L3MBTL2: variants seen among roughly 807,000 people sequenced by gnomAD.
The protein encoded by L3MBTL2 is L3MBTL histone methyl-lysine binding protein 2, also known as lethal(3)malignant brain tumor-like protein 2.
In L3MBTL2, 49 loss-of-function variants were observed where a neutral mutation model predicts 86.4. The observed-to-expected ratio is 0.57, with a 90% CI of 0.45 to 0.72. The LOEUF is 0.72. Among genes scored for constraint, L3MBTL2 ranks in the 30% least tolerant of loss-of-function variants. L3MBTL2 has a pLI of 0.00. For synonymous variants in L3MBTL2, 336 were observed against 350.6 expected (o/e 0.96, Z 0.47); for missense variants, 755 against 923.7 (o/e 0.82, Z 2.37).
chr22:41,220,789 C>T lies in L3MBTL2; in HGVS notation c.774C>T (p.Phe258=). The part of the protein sequence containing the change: ...EGFENDASHD[F]WCNLGTVDVH... ...TTGAAAATGACGCCAGCCATGACTT[C>T]TGGTGCAACCTGGGAACAGTGGATG... The change falls in exon 7 of 17, where the codon TTC becomes TTT. Residue 258 remains phenylalanine (F), a synonymous_variant. Transcript: ENST00000216237. 1 of 1,614,050 alleles carries T rather than the reference C, an allele frequency of 6.2e-7. No individual in the cohort carries two copies. The highest frequency in any genetic ancestry group is 8.5e-7 in the Non-Finnish European group (1 of 1,179,998).
Position 41,231,059 on chromosome 22 carries a change from C to T in L3MBTL2, c.*808C>T, listed in dbSNP as rs1456573411. ...CAAGATTCCTTTGTAGTTAAAGGGT[C>T]CAGTTCTGACTGGAGCCTCTAGAGA... On this transcript the variant is annotated 3_prime_UTR_variant, in exon 17 of 17. Coordinates refer to ENST00000216237, the MANE Select transcript of L3MBTL2 (RefSeq NM_031488.5). 1 of 152,182 alleles carries T rather than the reference C, an allele frequency of 6.6e-6. No homozygotes were observed. The highest frequency in any genetic ancestry group is 1.5e-5 in the Non-Finnish European group (1 of 68,058). The allele number at this position is 152,182 out of a possible 1,614,324, so 9.4% of individuals were successfully genotyped here.
intron 3 of L3MBTL2, among the ~76,000 whole-genome samples, chr22:41,214,999 T>C (rs1048441345): frequency 1.8e-5 from 1 of 54,624 alleles, no homozygotes; most frequent in African/African-American, 1.1e-4. Context: ...GGGAAAATAT[T>C]ATGTAAAATA....
chr22:41,220,756 T>C lies in L3MBTL2; in HGVS notation c.741T>C (p.Tyr247=), dbSNP rs1244465334. 6.2e-7 allele frequency: 1 copy of C among 1,613,714 alleles called. No individual in the cohort carries two copies. Reference sequence around the variant, plus strand: ...CAGGGTATCGGGTGCTGCTTCGGTATGAAGGCTTTGAAAATGACGCCAGCC... The same window carrying C: ...CAGGGTATCGGGTGCTGCTTCGGTACGAAGGCTTTGAAAATGACGCCAGCC... ...QTAGYRVLLR[Y]EGFENDASHD... Residue 247 remains tyrosine (Y), a synonymous_variant, in exon 7 of 17, where the codon TAT becomes TAC. Coordinates refer to ENST00000216237, the MANE Select transcript of L3MBTL2 (RefSeq NM_031488.5).
chr22:41,213,774 C>T, intron 2 of L3MBTL2, 119 bp from the exon 3 acceptor site: 1 of 1,088,760 alleles, frequency 9.2e-7, no homozygotes, highest in Non-Finnish European at 1.4e-6. Context: ...TTCCATTAGC[C>T]TTTGTGGGGG....
At chr22:41,229,079 G>A (rs909987198) in intron 15 of L3MBTL2, among the ~76,000 whole-genome samples, 4 of 152,066 alleles carry the variant, frequency 2.6e-5, no homozygotes, top group South Asian at 2.1e-4. Context: ...GCAACATAGC[G>A]AGACCCCTAA....
chr22:41,211,860 T>C (rs1185001892), intron 2 of L3MBTL2, among the ~76,000 whole-genome samples: 1 of 97,070 alleles, frequency 1.0e-5, no homozygotes, highest in Non-Finnish European at 2.0e-5. Flanking sequence ...CCCGGCCTTT[T>C]TTTTTTTTTT....
At position 41,227,252 on chromosome 22, in the gene L3MBTL2, A is replaced by T; in HGVS notation, c.1751A>T (p.Glu584Val). Residue 584 changes from glutamate (E) to valine (V), a missense_variant, in exon 14 of 17, where the codon GAG (glutamate) becomes GTG (valine). This residue lies in a region of L3MBTL2 where 634 missense variants were observed against 748.9 expected (regional missense o/e 0.85). Coordinates refer to ENST00000216237, the MANE Select transcript of L3MBTL2 (RefSeq NM_031488.5). The surrounding 1 kb of genome is among the most constrained non-coding windows in gnomAD (Gnocchi z 6.0). ...DSEYDQWVDCESPDIYPVGWC... is the reference protein window; with the variant it reads ...DSEYDQWVDCVSPDIYPVGWC... ...GAGTACGACCAGTGGGTGGACTGCG[A>T]GTCCCCAGACATCTACCCCGTCGGC... is the stretch of plus-strand genomic sequence containing the variant. 6.2e-7 allele frequency: 1 copy of T among 1,613,094 alleles called. No homozygotes were observed. The highest frequency in any genetic ancestry group is 1.1e-5 in the South Asian group (1 of 90,992).
At chr22:41,219,395 C>G in intron 5 of L3MBTL2, 24 bp from the exon 6 acceptor site, 1 of 1,552,394 alleles carries the variant, frequency 6.4e-7, no homozygotes, top group South Asian at 1.1e-5. Flanking sequence ...CTCACTCTCT[C>G]GGTACACTCT....
rs1329684595 is a variant in L3MBTL2, at chr22:41,230,640, CTCTG to C, written c.*394_*397del. 1.4e-5 allele frequency: 3 copies of C among 211,866 alleles called. No individual in the cohort carries two copies. Among genetic ancestry groups the C allele is most frequent in the Admixed American group, 5.4e-5 (1 of 18,416 alleles). The allele number at this position is 211,866 out of a possible 1,614,324, so 13.1% of individuals were successfully genotyped here. On this transcript the variant is annotated 3_prime_UTR_variant, in exon 17 of 17. Transcript: ENST00000216237. ...ACACTGTGGAATACAAGACAGTGAA[CTCTG>C]TCTGCCTGAACGAGCCATGTAAATT...
Position 41,219,425 on chromosome 22 carries a change from C to G in L3MBTL2, c.607C>G (p.Leu203Val). 6.2e-7 allele frequency: 1 copy of G among 1,610,858 alleles called. No homozygotes were observed. ...APVSCFKHVPLYDQWEDVMKG... is the reference protein window; with the variant it reads ...APVSCFKHVPVYDQWEDVMKG... ...CACTCTCATCGCCACACAGGTCCCA[C>G]TCTATGACCAGTGGGAGGATGTGAT... Residue 203 changes from leucine (L) to valine (V), a missense_variant, in exon 6 of 17, where the codon CTC (leucine) becomes GTC (valine). By Grantham distance (32) the Leu-to-Val change is conservative. Around this residue, in one of 3 missense-constraint regions of L3MBTL2, gnomAD observed 634 missense variants for 748.9 expected, o/e 0.85. Transcript: ENST00000216237.
At position 41,229,563 on chromosome 22, in the gene L3MBTL2, A is replaced by G. The variant is rs778768905; in HGVS notation, c.1912A>G (p.Thr638Ala). 13 of 1,612,724 alleles carry G rather than the reference A, an allele frequency of 8.1e-6. No homozygotes were observed. The South Asian group carries it at 1.3e-4, about 16-fold the overall frequency. Residue 638 changes from threonine to alanine, a missense_variant, in exon 16 of 17, where the codon ACG (threonine) becomes GCG (alanine). Physicochemically the swap from Thr to Ala is moderately conservative, Grantham distance 58. Coordinates refer to ENST00000216237, the MANE Select transcript of L3MBTL2 (RefSeq NM_031488.5). ...AGGGAAAAGAATCCCGCCCACTAAG[A>G]CGCGACCCCTCAGACAGGGGTCCAA... is the stretch of plus-strand genomic sequence containing the variant. ...KKRKRIPPTK[T>A]RPLRQGSKKP...
At chr22:41,217,944 C>G (rs998778486) in intron 5 of L3MBTL2, 1 of 152,242 alleles carries the variant, frequency 6.6e-6, no homozygotes, top group Non-Finnish European at 1.5e-5. Context: ...TCACTCCTCT[C>G]GTCTCTGAAT....
At position 41,224,689 on chromosome 22, in the gene L3MBTL2, C is replaced by T; in HGVS notation, c.1175-36C>T. On this transcript the variant is annotated intron_variant, in intron 9 of 16. Transcript: ENST00000216237. This position sits in a 1 kb window ranked among gnomAD's most constrained non-coding sequence, Gnocchi z 4.9. ...TGGCCCAGGAGCCGCCTCCAACTCC[C>T]TTCTCTCCCTCATTCCCTATCCATC... 6.4e-7 allele frequency: 1 copy of T among 1,556,104 alleles called. No homozygotes were observed. The highest frequency in any genetic ancestry group is 8.9e-7 in the Non-Finnish European group (1 of 1,127,296).
intron 3 of L3MBTL2, chr22:41,214,402 C>G (rs139455): frequency 0.41 from 67,239 of 163,120 alleles, 14,669 homozygotes; most frequent in African/African-American, 0.56. Flanking sequence ...ACCATGCCTC[C>G]TCGGACTCCA....
rs949654262 is a variant in L3MBTL2 at position 41,225,951 on chromosome 22, G to A, written c.1504+10G>A. 1.2e-6 allele frequency: 2 copies of A among 1,613,316 alleles called. No individual in the cohort carries two copies. Among genetic ancestry groups the A allele is most frequent in the East Asian group, 2.2e-5 (1 of 44,876 alleles). ...CTCACACCGCCAAAAGGTAAGACTA[G>A]AGAGGCCACCACCTGCTGTCCTTGC... On this transcript the variant is annotated intron_variant, in intron 12 of 16. Coordinates refer to ENST00000216237, the MANE Select transcript of L3MBTL2 (RefSeq NM_031488.5). The surrounding 1 kb of genome is among the most constrained non-coding windows in gnomAD (Gnocchi z 4.1).
rs910588012 is a variant in L3MBTL2, at chr22:41,205,429, G to T, written c.24+43G>T. The T allele has an allele frequency of 1.1e-5, 17 of 1,611,780 alleles. No individual in the cohort carries two copies. The African/African-American group carries it at 2.3e-4, about 22-fold the overall frequency. On this transcript the variant is annotated intron_variant, in intron 1 of 16. Transcript: ENST00000216237. Reference sequence around the variant, plus strand: ...TAGCGTGACTGGGAAAGGGAACTCCGAGAGCCTCGCTCCGTGGGCCCTTCT... The same window carrying T: ...TAGCGTGACTGGGAAAGGGAACTCCTAGAGCCTCGCTCCGTGGGCCCTTCT...
intron 4 of L3MBTL2, 58 bp from the exon 5 acceptor site, chr22:41,217,065 G>T: frequency 6.9e-7 from 1 of 1,446,438 alleles, no homozygotes. Context: ...TGGGGTCCAG[G>T]CTCCTGGAGT....
chr22:41,212,722 C>CT (rs1275152123), intron 2 of L3MBTL2, among the ~76,000 whole-genome samples: 1 of 151,538 alleles, frequency 6.6e-6, no homozygotes, highest in Non-Finnish European at 1.5e-5. Flanking sequence ...GGCGAAACCC[C>CT]GTCTCTACTA....
In L3MBTL2 at chr22:41,230,119, C is replaced by T. The variant is rs759005185; in HGVS notation, c.2006-20C>T. ...AGAGTTATTTACTCGCCCACCCACC[C>T]GCCTCCCCTCCCTCTTCAGTCATTG... On this transcript the variant is annotated intron_variant, in intron 16 of 16. Transcript: ENST00000216237. 8.0e-6 allele frequency: 11 copies of T among 1,370,538 alleles called. No individual in the cohort carries two copies. Among genetic ancestry groups the T allele is most frequent in the East Asian group, 2.3e-5 (1 of 43,674 alleles). 84.9% of individuals were successfully genotyped at this position (1,370,538 alleles called of 1,614,324 possible). A position where few individuals can be genotyped will look rare whatever the true frequency, so the allele number is the denominator to read the frequency against.
Sources: gnomAD v4.1 joint callset for allele counts (sites outside exome capture counted in the v4.1 genomes callset) on GRCh38, gnomAD v4.1.1 for gene constraint, gnomAD v4.1.1 regional missense constraint, Gnocchi (gnomAD v3.1) non-coding constraint, MANE v1.5 for transcripts, NCBI Gene and HGNC (gene_info 2026-07-23, HGNC 2026-07-21) for gene names.